The following MARCHF8 variants were observed in gnomAD, a reference collection of about 807,000 sequenced individuals.
MARCHF8 encodes the protein E3 ubiquitin-protein ligase MARCHF8.
MARCHF8 carries 40 observed loss-of-function variants against 51.6 expected under a neutral mutation model. That is an observed-to-expected ratio of 0.77 (90% CI 0.60 to 1.01). The LOEUF (loss-of-function observed/expected upper bound fraction) is 1.01, where lower values mean the gene tolerates loss of function less well. MARCHF8 is among the 50% of genes least tolerant of loss of function. The pLI is 0.00. For synonymous variants in MARCHF8, 263 were observed against 280.3 expected, an observed-to-expected ratio of 0.94 and a Z score of 0.62; for missense variants, 685 against 708.6, an observed-to-expected ratio of 0.97 and a Z score of 0.38.
intron 1 of MARCHF8, among the ~76,000 whole-genome samples, chr10:45,581,687 A>G (rs1471429822): frequency 1.3e-5 from 2 of 152,252 alleles, no homozygotes; most frequent in African/African-American, 2.4e-5. Context: ...CACCCACATA[A>G]TCAATGACAA....
chr10:45,557,384 C>A (rs1021003368), intron 1 of MARCHF8, among the ~76,000 whole-genome samples: 5 of 152,054 alleles, frequency 3.3e-5, no homozygotes, highest in African/African-American at 1.2e-4. Context: ...CTGCCTCAGC[C>A]TCCCAATGTG....
At chr10:45,547,883 G>C (rs912497484) in intron 1 of MARCHF8, among the ~76,000 whole-genome samples, 3 of 152,152 alleles carry the variant, frequency 2.0e-5, no homozygotes, top group Non-Finnish European at 2.9e-5. Context: ...TATTTCAAAA[G>C]TGGGTTACTT....
At chr10:45,542,771 G>C (rs1200214627) in intron 1 of MARCHF8, among the ~76,000 whole-genome samples, 1 of 152,108 alleles carries the variant, frequency 6.6e-6, no homozygotes. Context: ...AGTATAAAAA[G>C]AATAACAGGT....
At chr10:45,574,239 T>G (rs2044464456) in intron 1 of MARCHF8, among the ~76,000 whole-genome samples, 2 of 152,144 alleles carry the variant, frequency 1.3e-5, no homozygotes, top group African/African-American at 4.8e-5. Flanking sequence ...CTGTTATCAC[T>G]CACCTGTTAC....
At chr10:45,577,665 A>G (rs1803887619) in intron 1 of MARCHF8, among the ~76,000 whole-genome samples, 1 of 152,322 alleles carries the variant, frequency 6.6e-6, no homozygotes, top group South Asian at 2.1e-4. Context: ...TGCTAGAACC[A>G]TAAGAAATCA....
chr10:45,541,569 T>A (rs1189457537), intron 1 of MARCHF8, among the ~76,000 whole-genome samples: 1 of 151,956 alleles, frequency 6.6e-6, no homozygotes, highest in African/African-American at 2.4e-5. Context: ...TAAAGTATAA[T>A]AATAATAAAA....
At chr10:45,503,902 T>C (rs1427957528) in intron 2 of MARCHF8, among the ~76,000 whole-genome samples, 4 of 152,174 alleles carry the variant, frequency 2.6e-5, no homozygotes, top group African/African-American at 9.7e-5. Flanking sequence ...ATTCCATCTA[T>C]ATAAAATGTC....
At chr10:45,479,750 TCTTTTA>T (rs2042852417) in intron 3 of MARCHF8, among the ~76,000 whole-genome samples, 1 of 152,212 alleles carries the variant, frequency 6.6e-6, no homozygotes, top group African/African-American at 2.4e-5. Context: ...CCATTAAACC[TCTTTTA>T]CTTTAAAAAT....
chr10:45,464,250 C>T lies in MARCHF8; in HGVS notation c.231G>A (p.Gln77=). The change falls in exon 4 of 8, where the codon CAG becomes CAA. Residue 77 remains glutamine (Q), a synonymous_variant. Coordinates refer to ENST00000453424, the MANE Select transcript of MARCHF8 (RefSeq NM_001282866.2). ...AAGCAGAGTGTTACCTGCAGATGTC[C>T]TGGCTGGATGGCGTGATAGAAGTGC... The part of the protein sequence containing the change: ...FSRTSITPSS[Q]DICSSSAVFS... 6.2e-7 allele frequency: 1 copy of T among 1,614,174 alleles called. No homozygotes were observed. The highest frequency in any genetic ancestry group is 8.5e-7 in the Non-Finnish European group (1 of 1,180,010).
exon 1 of MARCHF8, chr10:45,594,616 C>T (rs1158702246): frequency 1.3e-5 from 2 of 150,134 alleles, no homozygotes; most frequent in East Asian, 2.2e-4. Flanking sequence ...CAGCCCAGCC[C>T]AGCCCAGCCC....
intron 1 of MARCHF8, among the ~76,000 whole-genome samples, chr10:45,548,745 G>A (rs1196826212): frequency 6.6e-6 from 1 of 152,148 alleles, no homozygotes; most frequent in Non-Finnish European, 1.5e-5. Flanking sequence ...GCTCATGCCT[G>A]TAATCTTCGG....
Position 45,476,289 on chromosome 10 carries a change from C to T in MARCHF8, c.154-11962G>A. Among the ~76,000 whole-genome samples the T allele has an allele frequency of 1.3e-5, 2 of 152,184 alleles. 1 individual carries two copies. ...ATATTAAAACTCAGTGAACACTGGG[C>T]ATGGTGACTCTCACCTGTAATCCCA... On this transcript the variant is annotated intron_variant, in intron 3 of 7. Coordinates refer to ENST00000453424, the MANE Select transcript of MARCHF8 (RefSeq NM_001282866.2).
At chr10:45,480,729 T>C (rs1463279433) in intron 3 of MARCHF8, among the ~76,000 whole-genome samples, 1 of 152,226 alleles carries the variant, frequency 6.6e-6, no homozygotes, top group Non-Finnish European at 1.5e-5. Context: ...TGTATAGAAA[T>C]GCCTGGATGT....
rs989307665 is a variant in MARCHF8 at position 45,515,278 on chromosome 10, A to G, written c.102+17832T>C. On this transcript the variant is annotated intron_variant, in intron 2 of 7. Coordinates refer to ENST00000453424, the MANE Select transcript of MARCHF8 (RefSeq NM_001282866.2). ...AACTGCACCTGTAGGCAGTCCAATC[A>G]CCTGTAATGTTCTCCACCTGTTTCC... 3.9e-5 allele frequency among the ~76,000 whole-genome samples: 6 copies of G among 152,008 alleles called. No individual in the cohort carries two copies. The East Asian group carries it at 9.6e-4, about 24-fold the overall frequency.
intron 1 of MARCHF8, among the ~76,000 whole-genome samples, chr10:45,586,968 T>C (rs992409723): frequency 6.6e-6 from 1 of 151,000 alleles, no homozygotes; most frequent in Non-Finnish European, 1.5e-5. Context: ...AAGTCCAATT[T>C]AACATTTTTA....
intron 2 of MARCHF8, among the ~76,000 whole-genome samples, chr10:45,521,441 T>A (rs1434255919): frequency 1.3e-5 from 2 of 152,228 alleles, no homozygotes; most frequent in Non-Finnish European, 2.9e-5. Flanking sequence ...GAAAACTAGC[T>A]GCTCAGAAAT....
chr10:45,537,617 C>A (rs1376976342), upstream of MARCHF8, among the ~76,000 whole-genome samples: 3 of 149,482 alleles, frequency 2.0e-5, no homozygotes, highest in African/African-American at 7.4e-5. Flanking sequence ...GGCGCCACTG[C>A]ACTCCAGCCT....
chr10:45,582,241 T>G (rs942346419), intron 1 of MARCHF8, among the ~76,000 whole-genome samples: 1 of 152,198 alleles, frequency 6.6e-6, no homozygotes, highest in Admixed American at 6.5e-5. Flanking sequence ...GTGGCCCCCT[T>G]CAATGTTGGA....
chr10:45,543,792 C>T (rs574065830), intron 1 of MARCHF8, among the ~76,000 whole-genome samples: 117 of 107,590 alleles, frequency 1.1e-3, no homozygotes, highest in African/African-American at 4.0e-3. Flanking sequence ...AGTGAGACTC[C>T]GTCTCAAAAA....
Sources: gnomAD v4.1 joint callset for allele counts (sites outside exome capture counted in the v4.1 genomes callset) on GRCh38, gnomAD v4.1.1 for gene constraint, MANE v1.5 for transcripts, NCBI Gene and HGNC (gene_info 2026-07-23, HGNC 2026-07-21) for gene names.